NCALD: variants seen among roughly 807,000 people sequenced by gnomAD.
NCALD encodes the protein neurocalcin delta.
In NCALD, 10 loss-of-function variants were observed where a neutral mutation model predicts 18.6. The observed-to-expected ratio is 0.54, with a 90% CI of 0.33 to 0.91. The LOEUF is 0.91. NCALD is among the 40% of genes least tolerant of loss of function. The pLI is 0.03. For missense variants in NCALD, 184 were observed against 247.6 expected (o/e 0.74, Z 1.72); for synonymous variants, 88 against 87.4 (o/e 1.01, Z -0.04).
chr8:102,083,081 T>A (rs1824605488), intron 1 of NCALD, among the ~76,000 whole-genome samples: 1 of 152,198 alleles, frequency 6.6e-6, no homozygotes, highest in Non-Finnish European at 1.5e-5. Context: ...AGATAAGGAA[T>A]GAGAAAATAA....
rs532790090 is a variant in NCALD at position 102,116,041 on chromosome 8, C to G, written c.-210+8196G>C. On this transcript the variant is annotated intron_variant, in intron 1 of 6. Coordinates refer to the NCALD transcript ENST00000311028. ...AAGTTAGAATAAAGTTGCAAATGAT[C>G]AAATCAAAAGCATTTAGAAAACCTC... Among the ~76,000 whole-genome samples, 59 of 131,378 alleles carry G rather than the reference C, an allele frequency of 4.5e-4. No homozygotes were observed. In the South Asian group the frequency reaches 0.015, roughly 32 times the overall value. 86.2% of individuals were successfully genotyped at this position (131,378 alleles called of 152,430 possible). A position where few individuals can be genotyped will look rare whatever the true frequency, so the allele number is the denominator to read the frequency against.
chr8:101,940,548 C>A (rs1486115714), intron 2 of NCALD, among the ~76,000 whole-genome samples: 1 of 152,194 alleles, frequency 6.6e-6, no homozygotes, highest in Non-Finnish European at 1.5e-5. Flanking sequence ...TCTGTCTAAT[C>A]TTCAGTGTGA....
chr8:101,849,667 C>T (rs1043874336), intron 4 of NCALD, among the ~76,000 whole-genome samples: 3 of 152,156 alleles, frequency 2.0e-5, no homozygotes, highest in South Asian at 4.1e-4. Flanking sequence ...ACGGAAGTCT[C>T]CTGCATTCTA....
intron 2 of NCALD, among the ~76,000 whole-genome samples, chr8:101,990,891 C>A (rs961746229): frequency 2.6e-5 from 4 of 152,180 alleles, no homozygotes; most frequent in Non-Finnish European, 2.9e-5. Context: ...AAGTAACTTG[C>A]AGAACAAAAA....
chr8:101,723,158 T>C (rs1470099053), intron 1 of NCALD, among the ~76,000 whole-genome samples: 1 of 152,188 alleles, frequency 6.6e-6, no homozygotes, highest in African/African-American at 2.4e-5. Flanking sequence ...GAGACAAAAA[T>C]TGCACCTTGG....
chr8:101,715,283 A>C (rs567888807), intron 2 of NCALD, among the ~76,000 whole-genome samples: 30 of 152,346 alleles, frequency 2.0e-4, no homozygotes, highest in South Asian at 1.5e-3. Context: ...CATATGCAGA[A>C]AACTGAAACT....
chr8:101,955,124 T>C (rs763363479), intron 2 of NCALD, among the ~76,000 whole-genome samples: 15 of 152,166 alleles, frequency 9.9e-5, no homozygotes, highest in Non-Finnish European at 1.9e-4. Context: ...GCAGAAGCAA[T>C]GAATAAGGCG....
chr8:101,965,971 A>G (rs1820010409), intron 2 of NCALD, among the ~76,000 whole-genome samples: 1 of 152,184 alleles, frequency 6.6e-6, no homozygotes, highest in South Asian at 2.1e-4. Flanking sequence ...GGATGAAAAT[A>G]AAAGCTTTTG....
intron 1 of NCALD, among the ~76,000 whole-genome samples, chr8:101,760,908 T>A (rs1484779629): frequency 6.6e-6 from 1 of 152,118 alleles, no homozygotes; most frequent in East Asian, 1.9e-4. Context: ...ATCATAAATT[T>A]CAAGTTAGTA....
chr8:101,843,964 A>G (rs1292268258), intron 4 of NCALD, among the ~76,000 whole-genome samples: 1 of 152,238 alleles, frequency 6.6e-6, no homozygotes, highest in Non-Finnish European at 1.5e-5. Flanking sequence ...TAAAACACCC[A>G]CATGCATACT....
At chr8:101,727,687 C>A (rs970289305) in intron 1 of NCALD, among the ~76,000 whole-genome samples, 1 of 152,192 alleles carries the variant, frequency 6.6e-6, no homozygotes, top group Non-Finnish European at 1.5e-5. Context: ...CTATGTCAAT[C>A]CTTTGCTTAA....
chr8:101,896,046 C>T lies in NCALD; in HGVS notation c.-106-8819G>A, dbSNP rs868252346. ...GTTCATATGGAACCAAAAAAGAGCCCGCATCGCCAAGTCAACCCTAAGCCA... is the reference window on the plus strand; with the variant it reads ...GTTCATATGGAACCAAAAAAGAGCCTGCATCGCCAAGTCAACCCTAAGCCA... On this transcript the variant is annotated intron_variant, in intron 3 of 6. Transcript: ENST00000311028. Among the ~76,000 whole-genome samples the T allele has an allele frequency of 1.8e-3, 268 of 151,038 alleles. 3 individuals carry two copies. The highest frequency in any genetic ancestry group is 6.8e-3 in the Middle Eastern group (2 of 294).
intron 1 of NCALD, among the ~76,000 whole-genome samples, chr8:101,755,170 G>A (rs929849334): frequency 2.0e-5 from 3 of 152,168 alleles, no homozygotes; most frequent in Non-Finnish European, 2.9e-5. Context: ...ATAGCAATCA[G>A]AATAATGCAC....
rs1342978496 is a variant in NCALD at position 101,756,173 on chromosome 8, T to C, written c.-20+34689A>G. Reference sequence around the variant, plus strand: ...TATAAATGTACCGCTAGTGGCTCCATTGTCTATGGAGATAAGTGTTTCAAG... The same window carrying C: ...TATAAATGTACCGCTAGTGGCTCCACTGTCTATGGAGATAAGTGTTTCAAG... On this transcript the variant is annotated intron_variant, in intron 1 of 3. Coordinates refer to ENST00000220931, the MANE Select transcript of NCALD (RefSeq NM_032041.3). Among the ~76,000 whole-genome samples, 5 of 152,066 alleles carry C rather than the reference T, an allele frequency of 3.3e-5. No individual in the cohort carries two copies. In the East Asian group the frequency reaches 7.7e-4, roughly 23 times the overall value.
chr8:101,811,902 G>T (rs1813318206), intron 4 of NCALD, among the ~76,000 whole-genome samples: 1 of 152,186 alleles, frequency 6.6e-6, no homozygotes, highest in African/African-American at 2.4e-5. Flanking sequence ...AGCCCATGTG[G>T]CTTATATCAG....
At chr8:101,974,594 G>A (rs779955232) in intron 2 of NCALD, among the ~76,000 whole-genome samples, 5 of 152,126 alleles carry the variant, frequency 3.3e-5, no homozygotes, top group East Asian at 1.9e-4. Context: ...TGCTGAAGCC[G>A]CTCCCTTAAA....
intron 2 of NCALD, among the ~76,000 whole-genome samples, chr8:101,917,825 A>AT (rs1818023531): frequency 6.6e-6 from 1 of 152,034 alleles, no homozygotes. Flanking sequence ...ACTTGAAGCA[A>AT]TAATTTTTTA....
intron 1 of NCALD, among the ~76,000 whole-genome samples, chr8:101,763,701 AC>A (rs1166523328): frequency 6.6e-6 from 1 of 152,148 alleles, no homozygotes; most frequent in African/African-American, 2.4e-5. Flanking sequence ...CCTGAATGGA[AC>A]AAAAATCTGA....
intron 1 of NCALD, among the ~76,000 whole-genome samples, chr8:102,097,858 G>C (rs534132941): frequency 6.6e-6 from 1 of 152,196 alleles, no homozygotes; most frequent in South Asian, 2.1e-4. Flanking sequence ...CACCCTATCT[G>C]TTTCTTATTT....
Sources: gnomAD v4.1 joint callset for allele counts (sites outside exome capture counted in the v4.1 genomes callset) on GRCh38, gnomAD v4.1.1 for gene constraint, MANE v1.5 for transcripts, NCBI Gene and HGNC (gene_info 2026-07-23, HGNC 2026-07-21) for gene names.